Variants in BCKDHB observed in about 807,000 individuals in gnomAD.
BCKDHB encodes branched chain keto acid dehydrogenase E1 subunit beta.
Under a neutral mutation model 48.5 loss-of-function variants are expected in BCKDHB, and 41 were observed. The ratio of observed to expected loss-of-function variants is 0.85; its 90% CI spans 0.66 to 1.10. BCKDHB has a LOEUF of 1.10. Among genes scored for constraint, BCKDHB ranks in the 50% least tolerant of loss-of-function variants. The pLI is 0.00. For missense variants in BCKDHB, 496 were observed against 494.2 expected, an observed-to-expected ratio of 1.00 and a Z score of -0.03; for synonymous variants, 201 against 174.8, an observed-to-expected ratio of 1.15 and a Z score of -1.18.
At chr6:80,325,346 T>A (rs527565990) in intron 9 of BCKDHB, among the ~76,000 whole-genome samples, 17 of 152,320 alleles carry the variant, frequency 1.1e-4, no homozygotes, top group African/African-American at 3.6e-4. Flanking sequence ...GGCAAATGTG[T>A]GGCTTTTACC....
the BCKDHB span, among the ~76,000 whole-genome samples, chr6:80,383,130 A>G: frequency 6.6e-6 from 1 of 152,196 alleles, no homozygotes; most frequent in Non-Finnish European, 1.5e-5. Context: ...AGAGCAATGT[A>G]AAGGCAAGTT....
rs755498325 is a variant in BCKDHB, at chr6:80,214,123, C to T, written c.951+10911C>T. 5.9e-5 allele frequency among the ~76,000 whole-genome samples: 9 copies of T among 151,968 alleles called. No individual in the cohort carries two copies. The East Asian group carries it at 1.4e-3, about 23-fold the overall frequency. ...CTGGCAGAGTTAGTGGGAATGGAGA[C>T]GATCAGGGAGCAGAGGTCTTCAGCA... On this transcript the variant is annotated intron_variant, in intron 8 of 9. Transcript: ENST00000320393.
intron 8 of BCKDHB, among the ~76,000 whole-genome samples, chr6:80,257,993 T>G (rs768383274): frequency 4.6e-5 from 7 of 152,064 alleles, no homozygotes; most frequent in Admixed American, 1.3e-4. Flanking sequence ...TATATATTTA[T>G]TATAAAAATC....
At chr6:80,320,310 T>C (rs569699430) in intron 9 of BCKDHB, among the ~76,000 whole-genome samples, 123 of 152,332 alleles carry the variant, frequency 8.1e-4, no homozygotes, top group Non-Finnish European at 1.6e-3. Flanking sequence ...CACCTGTTGG[T>C]TACAGTCACA....
intron 8 of BCKDHB, among the ~76,000 whole-genome samples, chr6:80,217,370 C>T (rs1582378553): frequency 6.6e-6 from 1 of 152,006 alleles, no homozygotes. Context: ...TGTTTCTTTA[C>T]GTGTTTATAT....
chr6:80,413,439 C>A, the BCKDHB span, among the ~76,000 whole-genome samples: 5 of 152,246 alleles, frequency 3.3e-5, no homozygotes, highest in African/African-American at 1.2e-4. Flanking sequence ...TCTTAGTCCT[C>A]TTCCTTTTCC....
intron 6 of BCKDHB, among the ~76,000 whole-genome samples, chr6:80,179,586 A>G (rs987431402): frequency 1.3e-5 from 2 of 152,120 alleles, no homozygotes; most frequent in Non-Finnish European, 2.9e-5. Flanking sequence ...TGTATCTTCA[A>G]GAAGTCCTGA....
chr6:80,143,565 C>G (rs1771326145), intron 3 of BCKDHB, among the ~76,000 whole-genome samples: 1 of 152,090 alleles, frequency 6.6e-6, no homozygotes, highest in Non-Finnish European at 1.5e-5. Context: ...TTTTCTGTTC[C>G]CATTTAACAT....
chr6:80,388,314 G>T, the BCKDHB span, among the ~76,000 whole-genome samples: 1 of 152,116 alleles, frequency 6.6e-6, no homozygotes, highest in African/African-American at 2.4e-5. Context: ...TGCTGTTTGG[G>T]GCCTTTGGCA....
At chr6:80,206,203 G>A (rs1774650726) in intron 8 of BCKDHB, among the ~76,000 whole-genome samples, 1 of 152,086 alleles carries the variant, frequency 6.6e-6, no homozygotes, top group Non-Finnish European at 1.5e-5. Context: ...AGGCAAACCA[G>A]ATGTAGACCA....
the BCKDHB span, among the ~76,000 whole-genome samples, chr6:80,358,737 G>A: frequency 6.6e-6 from 1 of 152,206 alleles, no homozygotes; most frequent in African/African-American, 2.4e-5. Context: ...AGAATGGAGA[G>A]AAAGTGCTTA....
chr6:80,140,698 C>G (rs1019430349), intron 3 of BCKDHB, among the ~76,000 whole-genome samples: 1 of 152,010 alleles, frequency 6.6e-6, no homozygotes, highest in Non-Finnish European at 1.5e-5. Flanking sequence ...CTGCTGGATT[C>G]GGTTTGTCAG....
At chr6:80,331,749 A>T (rs930239474) in intron 9 of BCKDHB, among the ~76,000 whole-genome samples, 4 of 152,254 alleles carry the variant, frequency 2.6e-5, no homozygotes, top group Admixed American at 2.6e-4. Flanking sequence ...TTTAACAGTT[A>T]TCAGTTTGGC....
intron 3 of BCKDHB, 136 bp downstream of exon 3, chr6:80,129,365 C>T (rs368796342): frequency 2.3e-5 from 16 of 710,260 alleles, no homozygotes; most frequent in East Asian, 2.1e-4. Flanking sequence ...CAACGCCACC[C>T]GCAGAATCCT....
At chr6:80,192,822 C>CTTT (rs11415441) in intron 6 of BCKDHB, among the ~76,000 whole-genome samples, 4 of 145,272 alleles carry the variant, frequency 2.8e-5, no homozygotes, top group Admixed American at 2.1e-4. Flanking sequence ...TATTTGCCAA[C>CTTT]TTTTTTTTTT....
chr6:80,357,465 G>A, the BCKDHB span, among the ~76,000 whole-genome samples: 1 of 152,170 alleles, frequency 6.6e-6, no homozygotes, highest in East Asian at 1.9e-4. Flanking sequence ...GGAGCCTGCT[G>A]ATGCAGTCCC....
At chr6:80,206,561 G>A (rs1774672389) in intron 8 of BCKDHB, among the ~76,000 whole-genome samples, 1 of 151,894 alleles carries the variant, frequency 6.6e-6, no homozygotes, top group South Asian at 2.1e-4. Flanking sequence ...GTGTGTGTGT[G>A]TGTGTGTACA....
At chr6:80,330,389 T>A (rs3792994) in intron 9 of BCKDHB, among the ~76,000 whole-genome samples, 117,971 of 152,048 alleles carry the variant, frequency 0.78, 46,148 homozygotes, top group Admixed American at 0.84. Context: ...TCCAGGATGA[T>A]ACAGAATAGA....
downstream of BCKDHB, among the ~76,000 whole-genome samples, chr6:80,350,069 A>G (rs1174222174): frequency 3.9e-5 from 6 of 152,094 alleles, no homozygotes; most frequent in African/African-American, 1.4e-4. Flanking sequence ...TAAAAGCACC[A>G]TGTTTTCTGA....
Sources: allele counts gnomAD v4.1 joint callset (sites outside exome capture counted in the v4.1 genomes callset), GRCh38; gene constraint gnomAD v4.1.1; transcripts MANE v1.5; gene names NCBI Gene and HGNC (gene_info 2026-07-23, HGNC 2026-07-21).